Variants in IMMP2L observed in about 807,000 individuals in gnomAD.
IMMP2L encodes inner mitochondrial membrane peptidase subunit 2.
A neutral mutation model predicts 19.3 loss-of-function variants in IMMP2L; 18 were observed. That is an observed-to-expected ratio of 0.93 (90% CI 0.64 to 1.38). IMMP2L has a LOEUF of 1.38. Among genes scored for constraint, IMMP2L ranks in the 40% most tolerant of loss-of-function variants. The probability of loss-of-function intolerance (pLI) is 0.00; values close to 1 mark genes in which losing one functional copy is unlikely to be tolerated. For synonymous variants in IMMP2L, 76 were observed against 73.0 expected, an observed-to-expected ratio of 1.04 and a Z score of -0.21; for missense variants, 233 against 218.2, an observed-to-expected ratio of 1.07 and a Z score of -0.43.
intron 3 of IMMP2L, among the ~76,000 whole-genome samples, chr7:111,104,036 G>A (rs1453667532): frequency 1.3e-5 from 2 of 151,690 alleles, no homozygotes; most frequent in African/African-American, 4.8e-5. Flanking sequence ...TAATATGTGT[G>A]TGAAATGAAA....
chr7:110,934,866 C>A (rs1035176842), intron 4 of IMMP2L, among the ~76,000 whole-genome samples: 1 of 152,106 alleles, frequency 6.6e-6, no homozygotes, highest in Admixed American at 6.6e-5. Context: ...TTCCTCCATA[C>A]CTTTATTTTG....
At chr7:111,449,327 C>A (rs944203363) in intron 3 of IMMP2L, among the ~76,000 whole-genome samples, 4 of 127,476 alleles carry the variant, frequency 3.1e-5, no homozygotes, top group African/African-American at 1.3e-4. Context: ...ACTGGCAAAC[C>A]GAATTCAGCA....
At chr7:111,556,079 G>A (rs1791321652) in intron 1 of IMMP2L, among the ~76,000 whole-genome samples, 2 of 133,436 alleles carry the variant, frequency 1.5e-5, no homozygotes, top group South Asian at 2.5e-4. Context: ...AAAGATATCA[G>A]TCGGAATTTT....
At chr7:110,790,089 C>T (rs1240787096) in intron 5 of IMMP2L, among the ~76,000 whole-genome samples, 3 of 151,598 alleles carry the variant, frequency 2.0e-5, no homozygotes, top group African/African-American at 7.3e-5. Context: ...TTGTTGAAAG[C>T]TCTAGTCACT....
In IMMP2L at chr7:111,389,174, T is replaced by C. The variant is rs560879619; in HGVS notation, c.239+98064A>G. Among the ~76,000 whole-genome samples, 10 of 152,142 alleles carry C rather than the reference T, an allele frequency of 6.6e-5. No homozygotes were observed. The East Asian group carries it at 1.2e-3, about 18-fold the overall frequency. On this transcript the variant is annotated intron_variant, in intron 3 of 5. Transcript: ENST00000405709. The stretch of plus-strand genomic sequence containing the variant: ...TGGTAATAATGCCCAAAATAACAAC[T>C]TATTCATAAGGAAACATCAGATAAA...
At chr7:111,405,070 T>C (rs916434580) in intron 3 of IMMP2L, among the ~76,000 whole-genome samples, 2 of 152,160 alleles carry the variant, frequency 1.3e-5, no homozygotes, top group African/African-American at 4.8e-5. Context: ...CAATCAGTTA[T>C]CTTTCTGAGC....
chr7:110,822,741 A>G (rs894539045), intron 5 of IMMP2L, among the ~76,000 whole-genome samples: 10 of 152,178 alleles, frequency 6.6e-5, no homozygotes, highest in African/African-American at 2.4e-4. Context: ...TTAGAAGTCT[A>G]TAATTCAGAA....
chr7:111,316,827 T>C (rs1824136195), intron 3 of IMMP2L, among the ~76,000 whole-genome samples: 1 of 150,462 alleles, frequency 6.6e-6, no homozygotes. Flanking sequence ...AGAGATATTG[T>C]TGGCTCCTTT....
chr7:111,447,249 T>A (rs1429913737), intron 3 of IMMP2L, among the ~76,000 whole-genome samples: 3 of 122,336 alleles, frequency 2.5e-5, no homozygotes, highest in African/African-American at 3.4e-5. Context: ...CCAAGACACA[T>A]AATTGTCAGA....
chr7:110,669,944 AC>A (rs1180215174), intron 5 of IMMP2L, among the ~76,000 whole-genome samples: 1 of 152,210 alleles, frequency 6.6e-6, no homozygotes, highest in African/African-American at 2.4e-5. Flanking sequence ...GCTAGGTCCC[AC>A]GTTCTTTCCT....
At chr7:111,536,435 A>G (rs775044539) in intron 1 of IMMP2L, among the ~76,000 whole-genome samples, 10 of 151,802 alleles carry the variant, frequency 6.6e-5, no homozygotes, top group Non-Finnish European at 1.5e-4. Context: ...GCCTCCCAAT[A>G]GCTAGGACCA....
intron 3 of IMMP2L, among the ~76,000 whole-genome samples, chr7:111,119,192 A>T (rs2129586908): frequency 6.6e-6 from 1 of 152,336 alleles, no homozygotes. Flanking sequence ...TAAGTGATTT[A>T]TGGAAACATA....
In IMMP2L at chr7:110,762,515, G is replaced by A. The variant is rs571223597; in HGVS notation, c.409-98794C>T. Reference sequence around the variant, plus strand: ...ATCAACTCCCGTCTAGGCCTGCCTCGGTGTCATTCTCCAAGTCACCTTTGC... The same window carrying A: ...ATCAACTCCCGTCTAGGCCTGCCTCAGTGTCATTCTCCAAGTCACCTTTGC... On this transcript the variant is annotated intron_variant, in intron 5 of 5. Coordinates refer to ENST00000405709, the MANE Select transcript of IMMP2L (RefSeq NM_032549.4). Among the ~76,000 whole-genome samples the A allele has an allele frequency of 1.1e-3, 174 of 152,118 alleles. 1 individual carries two copies. The highest frequency in any genetic ancestry group is 3.8e-3 in the African/African-American group (159 of 41,514).
chr7:110,802,368 T>C lies in IMMP2L; in HGVS notation c.408+84225A>G, dbSNP rs113023230. 9.9e-4 allele frequency among the ~76,000 whole-genome samples: 145 copies of C among 146,500 alleles called. 1 individual carries two copies. Among genetic ancestry groups the C allele is most frequent in the African/African-American group, 3.1e-3 (123 of 39,726 alleles). On this transcript the variant is annotated intron_variant, in intron 5 of 5. Transcript: ENST00000405709. ...GTGTGTGTGTGTGTGTGTGTGTGTG[T>C]GCCTGTGTCTGTGTTGGTAAGTACA...
At position 110,928,351 on chromosome 7, in the gene IMMP2L, GCACACACACACACACACACACA is replaced by G. The variant is rs58639346; in HGVS notation, c.305+35127_305+35148del. On this transcript the variant is annotated intron_variant, in intron 4 of 5. Transcript: ENST00000405709. The stretch of plus-strand genomic sequence containing the variant: ...TAGGTACATATGTGTATATGTACCT[GCACACACACACACACACACACA>G]CACACACACACACACACACACACAC... Among the ~76,000 whole-genome samples, 40 of 117,114 alleles carry G rather than the reference GCACACACACACACACACACACA, an allele frequency of 3.4e-4. 1 individual carries two copies. Among genetic ancestry groups the G allele is most frequent in the Middle Eastern group, 9.6e-3 (2 of 208 alleles). 76.8% of individuals were successfully genotyped at this position (117,114 alleles called of 152,430 possible).
intron 3 of IMMP2L, among the ~76,000 whole-genome samples, chr7:111,428,075 G>A (rs1369147222): frequency 4.0e-5 from 6 of 151,742 alleles, no homozygotes; most frequent in African/African-American, 4.9e-5. Context: ...ACACCTCATT[G>A]GCTCAGTCCT....
At chr7:110,849,313 A>G (rs988766942) in intron 5 of IMMP2L, among the ~76,000 whole-genome samples, 2 of 152,134 alleles carry the variant, frequency 1.3e-5, no homozygotes, top group African/African-American at 4.8e-5. Context: ...AACTTACAAG[A>G]AATGAACAGA....
intron 3 of IMMP2L, among the ~76,000 whole-genome samples, chr7:111,110,295 A>G (rs947376902): frequency 2.6e-5 from 4 of 152,236 alleles, no homozygotes; most frequent in African/African-American, 4.8e-5. Context: ...GATAGGAATC[A>G]GTCATTAAAG....
At chr7:111,540,949 C>T (rs1355366268) in intron 1 of IMMP2L, among the ~76,000 whole-genome samples, 2 of 152,116 alleles carry the variant, frequency 1.3e-5, no homozygotes, top group Admixed American at 1.3e-4. Flanking sequence ...CTGATACTAC[C>T]TCTCCATGCA....
Sources: gnomAD v4.1 joint callset for allele counts (sites outside exome capture counted in the v4.1 genomes callset) on GRCh38, gnomAD v4.1.1 for gene constraint, MANE v1.5 for transcripts, NCBI Gene and HGNC (gene_info 2026-07-23, HGNC 2026-07-21) for gene names.